KLHL1: variants seen among roughly 807,000 people sequenced by gnomAD.
The protein encoded by KLHL1 is kelch like family member 1, also known as kelch-like protein 1.
A neutral mutation model predicts 77.7 loss-of-function variants in KLHL1; 47 were observed. The ratio of observed to expected loss-of-function variants is 0.60; its 90% CI spans 0.48 to 0.77. The LOEUF is 0.77. KLHL1 is among the 30% of genes least tolerant of loss of function. The pLI is 0.00. For synonymous variants in KLHL1, 360 were observed against 325.2 expected (o/e 1.11, Z -1.15); for missense variants, 925 against 910.8 (o/e 1.02, Z -0.20).
At chr13:69,793,998 C>T (rs73210502) in intron 7 of KLHL1, among the ~76,000 whole-genome samples, 53,142 of 151,900 alleles carry the variant, frequency 0.35, 9,561 homozygotes, top group African/African-American at 0.42. Context: ...CTTGCCAGAA[C>T]TGGATTGTTA....
In KLHL1 at chr13:70,107,422, T is replaced by A; in HGVS notation, c.278A>T (p.Asn93Ile). 1 of 1,611,906 alleles carries A rather than the reference T, an allele frequency of 6.2e-7. No homozygotes were observed. Among genetic ancestry groups the A allele is most frequent in the Non-Finnish European group, 8.5e-7 (1 of 1,179,956 alleles). The change falls in exon 1 of 11, where the codon AAT (asparagine) becomes ATT (isoleucine). Residue 93 changes from asparagine (N) to isoleucine (I), a missense_variant. By Grantham distance (149) the Asn-to-Ile change is moderately radical. Transcript: ENST00000377844. Reference protein sequence around the residue: ...SSSSSSFNPLNGTLLPVATRL... With the variant: ...SSSSSSFNPLIGTLLPVATRL... The stretch of plus-strand genomic sequence containing the variant: ...CGTGGCAACTGGAAGCAGGGTGCCA[T>A]TCAGCGGATTGAAGGAAGAGGAGGA...
At chr13:70,074,021 T>A (rs1264737196) in intron 1 of KLHL1, among the ~76,000 whole-genome samples, 1 of 151,876 alleles carries the variant, frequency 6.6e-6, no homozygotes, top group Admixed American at 6.6e-5. Context: ...AGATGGGGTT[T>A]CTCCATGTTG....
intron 6 of KLHL1, among the ~76,000 whole-genome samples, chr13:69,834,040 C>G (rs2138099561): frequency 6.6e-6 from 1 of 151,872 alleles, no homozygotes; most frequent in Non-Finnish European, 1.5e-5. Flanking sequence ...GCTATGAGGA[C>G]ACAAAGTCAT....
chr13:70,075,542 T>C (rs1431135939), intron 1 of KLHL1, among the ~76,000 whole-genome samples: 2 of 128,606 alleles, frequency 1.6e-5, no homozygotes, highest in Non-Finnish European at 3.2e-5. Context: ...ATTGCATACA[T>C]ATATATATAC....
chr13:69,730,587 TC>T (rs139183362), intron 8 of KLHL1, among the ~76,000 whole-genome samples: 7,856 of 152,118 alleles, frequency 0.052, 347 homozygotes, highest in African/African-American at 0.12. Flanking sequence ...CCTTTTTTTT[TC>T]CTGGATACAG....
intron 7 of KLHL1, among the ~76,000 whole-genome samples, chr13:69,789,822 G>GGAAA (rs1206597462): frequency 2.0e-5 from 3 of 152,056 alleles, no homozygotes; most frequent in East Asian, 1.9e-4. Context: ...AAGCAAAGAA[G>GGAAA]GAAAGAAAGA....
At chr13:69,915,707 C>G (rs907553569) in intron 4 of KLHL1, among the ~76,000 whole-genome samples, 1 of 151,938 alleles carries the variant, frequency 6.6e-6, no homozygotes, top group African/African-American at 2.4e-5. Context: ...TCTAAAACAC[C>G]AAAAGCAATG....
Position 70,060,553 on chromosome 13 carries a change from G to GGT in KLHL1, c.497+46648_497+46649dup, listed in dbSNP as rs369821000. Among the ~76,000 whole-genome samples the GGT allele has an allele frequency of 7.2e-3, 1,081 of 149,970 alleles. 11 individuals are homozygous for GGT. The highest frequency in any genetic ancestry group is 0.025 in the African/African-American group (1,046 of 41,198). ...GACAAATAGACAAAAAAAAAAATGT[G>GGT]GTATATATAGGCCAGGTGCATGGCT... On this transcript the variant is annotated intron_variant, in intron 1 of 10. Transcript: ENST00000377844.
chr13:70,022,007 A>G (rs1885811575), intron 1 of KLHL1, among the ~76,000 whole-genome samples: 1 of 151,566 alleles, frequency 6.6e-6, no homozygotes, highest in Non-Finnish European at 1.5e-5. Flanking sequence ...TCATTTATCA[A>G]TTTTTTCAGA....
intron 4 of KLHL1, among the ~76,000 whole-genome samples, chr13:69,930,276 T>C (rs1313886418): frequency 6.6e-6 from 1 of 151,884 alleles, no homozygotes; most frequent in Non-Finnish European, 1.5e-5. Flanking sequence ...TTTACTATGA[T>C]GGATTTCAAG....
chr13:69,780,721 T>TATATATATACACAC (rs1566243867), intron 7 of KLHL1, among the ~76,000 whole-genome samples: 56 of 62,874 alleles, frequency 8.9e-4, no homozygotes, highest in African/African-American at 3.4e-3. Context: ...TATATGTATA[T>TATATATATACACAC]ATATATATAT....
intron 6 of KLHL1, among the ~76,000 whole-genome samples, chr13:69,797,973 ACT>A (rs1178808089): frequency 6.6e-6 from 1 of 152,180 alleles, no homozygotes; most frequent in East Asian, 1.9e-4. Context: ...AAATGCAATA[ACT>A]CTGACTAATA....
chr13:69,941,581 C>T (rs1472276480), intron 3 of KLHL1, among the ~76,000 whole-genome samples: 3 of 151,790 alleles, frequency 2.0e-5, no homozygotes, highest in African/African-American at 7.3e-5. Flanking sequence ...AATCCAAAAC[C>T]CAACAGAAGA....
chr13:69,808,045 A>G (rs67089042), intron 6 of KLHL1, among the ~76,000 whole-genome samples: 56,791 of 151,924 alleles, frequency 0.37, 10,997 homozygotes, highest in African/African-American at 0.46. Flanking sequence ...GTCCACCATA[A>G]GTTAATGAAA....
At chr13:69,901,795 C>CT (rs1205221353) in intron 4 of KLHL1, among the ~76,000 whole-genome samples, 22 of 40,840 alleles carry the variant, frequency 5.4e-4, no homozygotes, top group African/African-American at 1.5e-3. Flanking sequence ...TTCTTTTTTT[C>CT]TTTTTTTTTT....
intron 1 of KLHL1, among the ~76,000 whole-genome samples, chr13:70,044,943 C>A (rs1033342531): frequency 2.0e-5 from 3 of 152,130 alleles, no homozygotes; most frequent in Non-Finnish European, 4.4e-5. Flanking sequence ...CACAGAATAA[C>A]CTTGGGAAAG....
At chr13:69,956,875 C>G (rs1883905017) in intron 3 of KLHL1, among the ~76,000 whole-genome samples, 2 of 151,638 alleles carry the variant, frequency 1.3e-5, no homozygotes, top group Admixed American at 1.3e-4. Flanking sequence ...CTGCTTTGCA[C>G]ATGCTTAGCA....
chr13:70,094,364 C>A (rs566614208), intron 1 of KLHL1, among the ~76,000 whole-genome samples: 1 of 139,250 alleles, frequency 7.2e-6, no homozygotes, highest in African/African-American at 3.1e-5. Flanking sequence ...AAATAAAATT[C>A]ACATGAAACA....
intron 10 of KLHL1, 123 bp downstream of exon 10, chr13:69,707,501 TA>T: frequency 1.2e-6 from 1 of 820,664 alleles, no homozygotes; most frequent in Non-Finnish European, 1.8e-6. Context: ...CAATATTGGA[TA>T]AAAACAATCA....
Sources: allele counts gnomAD v4.1 joint callset (sites outside exome capture counted in the v4.1 genomes callset), GRCh38; gene constraint gnomAD v4.1.1; transcripts MANE v1.5; gene names NCBI Gene and HGNC (gene_info 2026-07-23, HGNC 2026-07-21).